Variants in ASTN2 observed in about 807,000 individuals in gnomAD.
The protein encoded by ASTN2 is astrotactin 2, also known as astrotactin-2.
A neutral mutation model predicts 139.8 loss-of-function variants in ASTN2; 54 were observed. The ratio of observed to expected loss-of-function variants is 0.39; its 90% CI spans 0.31 to 0.48. The LOEUF (loss-of-function observed/expected upper bound fraction) is 0.48. ASTN2 is among the 20% of genes least tolerant of loss of function. The pLI, the probability that ASTN2 is intolerant of heterozygous loss-of-function variation, is 0.95. For missense variants in ASTN2, 1,565 were observed against 1,725.1 expected (o/e 0.91, Z 1.64); for synonymous variants, 756 against 719.5 (o/e 1.05, Z -0.81).
chr9:116,622,903 G>A (rs965058882), intron 17 of ASTN2, among the ~76,000 whole-genome samples: 2 of 152,218 alleles, frequency 1.3e-5, no homozygotes, highest in African/African-American at 4.8e-5. Flanking sequence ...ACTCTCATGA[G>A]GACAGAAACC....
rs1382443768 is a variant in ASTN2 at position 116,518,834 on chromosome 9, CA to C, written c.3356-31335del. Among the ~76,000 whole-genome samples, 3 of 149,456 alleles carry C rather than the reference CA, an allele frequency of 2.0e-5. No individual in the cohort carries two copies. In the East Asian group the frequency reaches 6.0e-4, roughly 30 times the overall value. On this transcript the variant is annotated intron_variant, in intron 19 of 22. Transcript: ENST00000313400. ...AAAAGATATTCCATGCAAACAATGC[CA>C]AAAGCAAGTAGGAGTAGCTATTCCT... is the stretch of plus-strand genomic sequence containing the variant.
intron 17 of ASTN2, among the ~76,000 whole-genome samples, chr9:116,631,519 T>A (rs1437758664): frequency 6.6e-6 from 1 of 152,086 alleles, no homozygotes; most frequent in Non-Finnish European, 1.5e-5. Context: ...AAAAAGTGGA[T>A]CTCATGGAGG....
chr9:116,510,643 G>A (rs1445801048), intron 19 of ASTN2, among the ~76,000 whole-genome samples: 2 of 152,194 alleles, frequency 1.3e-5, no homozygotes, highest in African/African-American at 2.4e-5. Flanking sequence ...AGCATGGAAT[G>A]TTCTTCCATT....
At chr9:116,705,500 TG>T (rs1371288991) in intron 16 of ASTN2, among the ~76,000 whole-genome samples, 2 of 152,186 alleles carry the variant, frequency 1.3e-5, no homozygotes, top group Non-Finnish European at 2.9e-5. Context: ...GATTTTCTTG[TG>T]GTGATTTACC....
At chr9:116,998,573 A>ATCCATC (rs1554767994) in intron 7 of ASTN2, among the ~76,000 whole-genome samples, 2 of 4,144 alleles carry the variant, frequency 4.8e-4, no homozygotes, top group South Asian at 0.02. Flanking sequence ...ATCCATCCAT[A>ATCCATC]CATCCATCCA....
intron 16 of ASTN2, among the ~76,000 whole-genome samples, chr9:116,660,501 T>C (rs527524161): frequency 6.6e-6 from 1 of 152,178 alleles, no homozygotes; most frequent in Non-Finnish European, 1.5e-5. Flanking sequence ...TACCTAAATA[T>C]TGGATTATTT....
chr9:116,430,557 G>A (rs1308739145), intron 22 of ASTN2, among the ~76,000 whole-genome samples: 1 of 152,156 alleles, frequency 6.6e-6, no homozygotes, highest in Non-Finnish European at 1.5e-5. Flanking sequence ...GAATATTATC[G>A]TGAAAAGCAC....
chr9:116,624,351 C>T (rs1856332035), intron 17 of ASTN2, among the ~76,000 whole-genome samples: 1 of 152,126 alleles, frequency 6.6e-6, no homozygotes, highest in African/African-American at 2.4e-5. Context: ...ATACCTTGTG[C>T]CTTCCAGAAA....
intron 19 of ASTN2, among the ~76,000 whole-genome samples, chr9:116,568,024 C>A (rs1240647937): frequency 1.3e-5 from 2 of 152,104 alleles, no homozygotes; most frequent in African/African-American, 2.4e-5. Context: ...TGTAAAGATG[C>A]GATTAAACAG....
chr9:117,195,877 T>C (rs1831488394), intron 3 of ASTN2, among the ~76,000 whole-genome samples: 1 of 152,206 alleles, frequency 6.6e-6, no homozygotes, highest in Non-Finnish European at 1.5e-5. Flanking sequence ...AGGATCTCCC[T>C]GCTGCAAAGT....
intron 10 of ASTN2, among the ~76,000 whole-genome samples, chr9:116,919,640 A>ATTTTTT (rs72054196): frequency 6.2e-5 from 7 of 113,568 alleles, no homozygotes; most frequent in African/African-American, 7.0e-5. Flanking sequence ...CAAAAACATC[A>ATTTTTT]TTTTTTTTTT....
chr9:117,313,431 C>G (rs1035142115), intron 1 of ASTN2, among the ~76,000 whole-genome samples: 1 of 152,132 alleles, frequency 6.6e-6, no homozygotes, highest in South Asian at 2.1e-4. Flanking sequence ...CTCAAGGCAG[C>G]CTGAGAAGTG....
chr9:117,214,324 C>T, intron 3 of ASTN2, 34 bp downstream of exon 3: 1 of 1,532,152 alleles, frequency 6.5e-7, no homozygotes, highest in Non-Finnish European at 8.9e-7. Context: ...TCAAAATGCC[C>T]CCTGGAAAAT....
intron 17 of ASTN2, among the ~76,000 whole-genome samples, chr9:116,620,918 G>A (rs572333890): frequency 6.6e-6 from 1 of 152,284 alleles, no homozygotes; most frequent in East Asian, 1.9e-4. Flanking sequence ...GCCTTTTATA[G>A]AAGTCTGACC....
chr9:116,928,671 A>T (rs1834821806), intron 10 of ASTN2, among the ~76,000 whole-genome samples: 1 of 152,186 alleles, frequency 6.6e-6, no homozygotes, highest in Admixed American at 6.5e-5. Flanking sequence ...AAAAGAGTTG[A>T]TTATTAGAAA....
At chr9:116,645,299 C>T (rs1258418650) in intron 17 of ASTN2, among the ~76,000 whole-genome samples, 1 of 152,138 alleles carries the variant, frequency 6.6e-6, no homozygotes, top group African/African-American at 2.4e-5. Context: ...TGTGTAAGAG[C>T]CATTTAACAG....
intron 12 of ASTN2, among the ~76,000 whole-genome samples, chr9:116,808,643 T>C (rs7024574): frequency 0.081 from 12,393 of 152,200 alleles, 1,637 homozygotes; most frequent in African/African-American, 0.28. Context: ...TTTGCACATA[T>C]ATCATTGTGC....
In ASTN2 at chr9:116,556,167, A is replaced by T. The variant is rs1399182969; in HGVS notation, c.3355+62157T>A. On this transcript the variant is annotated intron_variant, in intron 19 of 22. Coordinates refer to ENST00000313400, the MANE Select transcript of ASTN2 (RefSeq NM_001365068.1). ...TATGAATAAATAATTGGAATGAAGC[A>T]CGAGGAGTGCTCTGAGTTGAGTGCT... is the stretch of plus-strand genomic sequence containing the variant. Among the ~76,000 whole-genome samples, 3 of 152,374 alleles carry T rather than the reference A, an allele frequency of 2.0e-5. No homozygotes were observed. In the East Asian group the frequency reaches 5.8e-4, roughly 29 times the overall value.
At chr9:117,219,301 C>G (rs1365292150) in intron 2 of ASTN2, among the ~76,000 whole-genome samples, 3 of 152,216 alleles carry the variant, frequency 2.0e-5, no homozygotes, top group African/African-American at 7.2e-5. Flanking sequence ...GAGCAATCGA[C>G]CAGTGCTCAG....
Sources: allele counts gnomAD v4.1 joint callset (sites outside exome capture counted in the v4.1 genomes callset), GRCh38; gene constraint gnomAD v4.1.1; transcripts MANE v1.5; gene names NCBI Gene and HGNC (gene_info 2026-07-23, HGNC 2026-07-21).